The following CDH4 variants were observed in gnomAD, a reference collection of about 807,000 sequenced individuals.
CDH4 encodes the protein cadherin-4.
Under a neutral mutation model 86.0 loss-of-function variants are expected in CDH4, and 33 were observed. That is an observed-to-expected ratio of 0.38 (90% CI 0.29 to 0.51). The LOEUF is 0.51. Ranked by LOEUF, CDH4 falls within the 20% of genes least tolerant of loss-of-function variation. CDH4 has a pLI of 0.86. For missense variants in CDH4, 1,114 were observed against 1,307.4 expected, an observed-to-expected ratio of 0.85 and a Z score of 2.28; for synonymous variants, 555 against 549.4, an observed-to-expected ratio of 1.01 and a Z score of -0.14.
At chr20:61,611,261 T>C (rs367727136) in intron 2 of CDH4, among the ~76,000 whole-genome samples, 1 of 152,018 alleles carries the variant, frequency 6.6e-6, no homozygotes, top group East Asian at 1.9e-4. Flanking sequence ...CCATAATCTC[T>C]AGGTCTTTCT....
At chr20:61,847,983 C>T (rs559981739) in intron 5 of CDH4, among the ~76,000 whole-genome samples, 14 of 152,342 alleles carry the variant, frequency 9.2e-5, no homozygotes, top group Admixed American at 2.6e-4. Flanking sequence ...CTAGAAGGGA[C>T]GGAACATCCA....
rs1980204203 is a variant in CDH4, at chr20:61,807,581, A to G, written c.576+34399A>G. Among the ~76,000 whole-genome samples the G allele has an allele frequency of 6.6e-6, 1 of 152,164 alleles. No homozygotes were observed. The highest frequency in any genetic ancestry group is 6.5e-5 in the Admixed American group (1 of 15,292). On this transcript the variant is annotated intron_variant, in intron 4 of 15. Coordinates refer to ENST00000614565, the MANE Select transcript of CDH4 (RefSeq NM_001794.5). This position sits in a 1 kb window ranked among gnomAD's most constrained non-coding sequence, Gnocchi z 4.5. ...CAGCGAGGGGAGTGTGACCAAGGGC[A>G]GGTGTTCCGTGCAGGGCTGGTTGGT...
At chr20:61,553,052 C>G (rs986117115) in intron 2 of CDH4, among the ~76,000 whole-genome samples, 3 of 152,186 alleles carry the variant, frequency 2.0e-5, no homozygotes, top group African/African-American at 2.4e-5. Flanking sequence ...TGTCCATCAC[C>G]TGAAAAGTAG....
intron 2 of CDH4, among the ~76,000 whole-genome samples, chr20:61,489,672 C>G (rs542167157): frequency 1.3e-5 from 2 of 152,234 alleles, no homozygotes; most frequent in African/African-American, 4.8e-5. Flanking sequence ...CTTGCACAGA[C>G]GCTTTGCACG....
At chr20:61,835,582 C>T (rs1432260396) in intron 4 of CDH4, among the ~76,000 whole-genome samples, 1 of 150,818 alleles carries the variant, frequency 6.6e-6, no homozygotes, top group Non-Finnish European at 1.5e-5. Flanking sequence ...GGTCGGCCCA[C>T]AGAGGCAGCC....
At chr20:61,871,256 GT>G (rs1206082569) in intron 6 of CDH4, among the ~76,000 whole-genome samples, 1 of 152,196 alleles carries the variant, frequency 6.6e-6, no homozygotes, top group South Asian at 2.1e-4. Flanking sequence ...ATTTTAGAAA[GT>G]TTTTTTCACT....
intron 2 of CDH4, among the ~76,000 whole-genome samples, chr20:61,338,605 G>T (rs939513976): frequency 6.6e-6 from 1 of 152,070 alleles, no homozygotes; most frequent in Non-Finnish European, 1.5e-5. Context: ...TTTGTTCATG[G>T]AGTCTTCCCT....
At chr20:61,474,820 T>C (rs1225331830) in intron 2 of CDH4, among the ~76,000 whole-genome samples, 2 of 152,218 alleles carry the variant, frequency 1.3e-5, no homozygotes, top group African/African-American at 2.4e-5. Flanking sequence ...CAGCAAATAC[T>C]CTAGAGCTGT....
At chr20:61,711,232 AG>A (rs2087889379) in intron 2 of CDH4, among the ~76,000 whole-genome samples, 1 of 152,014 alleles carries the variant, frequency 6.6e-6, no homozygotes, top group Non-Finnish European at 1.5e-5. Flanking sequence ...CTTCTTGTGA[AG>A]GAGGATGTGT....
intron 14 of CDH4, among the ~76,000 whole-genome samples, chr20:61,933,782 C>T (rs570444758): frequency 5.2e-4 from 79 of 152,316 alleles, no homozygotes; most frequent in African/African-American, 1.5e-3. Context: ...TGGTGAGCAG[C>T]GTGGTGGTGA....
In CDH4 at chr20:61,558,637, T is replaced by C. The variant is rs1017134548; in HGVS notation, c.170-184926T>C. On this transcript the variant is annotated intron_variant, in intron 2 of 15. Coordinates refer to ENST00000614565, the MANE Select transcript of CDH4 (RefSeq NM_001794.5). ...TGAAGGTCGTGGTAGTGATCATGTTTTGAGAAACGCTGCAGGCTCCATCAC... is the reference window on the plus strand; with the variant it reads ...TGAAGGTCGTGGTAGTGATCATGTTCTGAGAAACGCTGCAGGCTCCATCAC... 2.6e-5 allele frequency among the ~76,000 whole-genome samples: 4 copies of C among 152,182 alleles called. No individual in the cohort carries two copies. The South Asian group carries it at 8.3e-4, about 32-fold the overall frequency.
Position 61,272,890 on chromosome 20 carries a change from C to T in CDH4, c.169+17953C>T, listed in dbSNP as rs184694589. On this transcript the variant is annotated intron_variant, in intron 2 of 15. Coordinates refer to ENST00000614565, the MANE Select transcript of CDH4 (RefSeq NM_001794.5). ...TACCATGCGCAGTTTGGGAGAGTAC[C>T]GTGTGCAGTTTGGGGGAGTACCGTG... 2.9e-3 allele frequency among the ~76,000 whole-genome samples: 290 copies of T among 101,288 alleles called. 1 individual carries two copies. The highest frequency in any genetic ancestry group is 0.011 in the African/African-American group (276 of 24,544). 66.4% of individuals were successfully genotyped at this position (101,288 alleles called of 152,430 possible). A position where few individuals can be genotyped will look rare whatever the true frequency, so the allele number is the denominator to read the frequency against.
At chr20:61,416,861 C>CT (rs1183468145) in intron 2 of CDH4, among the ~76,000 whole-genome samples, 1 of 152,088 alleles carries the variant, frequency 6.6e-6, no homozygotes, top group African/African-American at 2.4e-5. Flanking sequence ...TGAAGGGTAT[C>CT]TTTTTGAGGG....
intron 2 of CDH4, among the ~76,000 whole-genome samples, chr20:61,489,318 A>G (rs2085613255): frequency 6.6e-6 from 1 of 152,236 alleles, no homozygotes; most frequent in African/African-American, 2.4e-5. Context: ...GAACAAATGT[A>G]TTGGGTTGGT....
At chr20:61,821,518 G>A (rs1408065036) in intron 4 of CDH4, among the ~76,000 whole-genome samples, 1 of 125,740 alleles carries the variant, frequency 8.0e-6, no homozygotes, top group African/African-American at 3.2e-5. Context: ...CACTGCTCCA[G>A]TCCCCTCACT....
intron 4 of CDH4, among the ~76,000 whole-genome samples, chr20:61,774,726 C>G (rs2088817551): frequency 6.6e-6 from 1 of 152,108 alleles, no homozygotes. Flanking sequence ...CTCCCTGTGT[C>G]CATGTGTTCT....
At chr20:61,331,636 G>GGCTC (rs1568801119) in intron 2 of CDH4, among the ~76,000 whole-genome samples, 13 of 40,452 alleles carry the variant, frequency 3.2e-4, no homozygotes, top group South Asian at 6.4e-4. Context: ...TCCTGCCCCA[G>GGCTC]ACCCACCTCC....
At chr20:61,471,665 A>T (rs146346540) in intron 2 of CDH4, among the ~76,000 whole-genome samples, 1 of 151,818 alleles carries the variant, frequency 6.6e-6, no homozygotes, top group South Asian at 2.1e-4. Flanking sequence ...CTTCCCTCTT[A>T]GTACTACTTT....
In CDH4 at chr20:61,807,953, C is replaced by T. The variant is rs1391961307; in HGVS notation, c.576+34771C>T. Among the ~76,000 whole-genome samples the T allele has an allele frequency of 6.6e-6, 1 of 152,210 alleles. No homozygotes were observed. The highest frequency in any genetic ancestry group is 1.5e-5 in the Non-Finnish European group (1 of 68,044). ...GTGCTGGGTGGTCTGGGTGCCGCCT[C>T]AGGGCAAGCTGCCATAGCAGCGATG... On this transcript the variant is annotated intron_variant, in intron 4 of 15. Coordinates refer to ENST00000614565, the MANE Select transcript of CDH4 (RefSeq NM_001794.5). This position sits in a 1 kb window ranked among gnomAD's most constrained non-coding sequence, Gnocchi z 4.5.
Sources: allele counts gnomAD v4.1 joint callset (sites outside exome capture counted in the v4.1 genomes callset), GRCh38; gene constraint gnomAD v4.1.1; non-coding constraint Gnocchi (gnomAD v3.1); transcripts MANE v1.5; gene names NCBI Gene and HGNC (gene_info 2026-07-23, HGNC 2026-07-21).